Variants in NUAK2 observed in about 807,000 individuals in gnomAD.
The protein encoded by NUAK2 is NUAK family SNF1-like kinase 2.
In NUAK2, 20 loss-of-function variants were observed where a neutral mutation model predicts 29.8. That is an observed-to-expected ratio of 0.67 (90% confidence interval 0.47 to 0.98). The LOEUF (loss-of-function observed/expected upper bound fraction) is 0.98. Ranked by LOEUF, NUAK2 falls within the 50% of genes least tolerant of loss-of-function variation. The pLI, the probability that NUAK2 is intolerant of heterozygous loss-of-function variation, is 0.00. For synonymous variants in NUAK2, 331 were observed against 342.6 expected (o/e 0.97, Z 0.37); for missense variants, 719 against 834.5 (o/e 0.86, Z 1.71).
intron 2 of NUAK2, among the ~76,000 whole-genome samples, chr1:205,310,751 C>T (rs1662246265): frequency 6.6e-6 from 1 of 152,150 alleles, no homozygotes; most frequent in Non-Finnish European, 1.5e-5. Flanking sequence ...TGTTGTCTCC[C>T]CACTCTTCCC....
chr1:205,314,899 C>A (rs1015684090), intron 1 of NUAK2, among the ~76,000 whole-genome samples: 1 of 151,894 alleles, frequency 6.6e-6, no homozygotes, highest in African/African-American at 2.4e-5. Context: ...AAATGAGGTT[C>A]CAAAAAAGGG....
rs1438853627 is a variant in NUAK2 at position 205,321,740 on chromosome 1, G to C, written c.-112C>G. On this transcript the variant is annotated 5_prime_UTR_variant, in exon 1 of 7. Transcript: ENST00000367157. ...GACGGGGAGCCACAGCAGTACCAGA[G>C]CGCGCAGTAAAGCACAGCATTCCAA... The C allele has an allele frequency of 1.2e-6, 1 of 845,764 alleles. No homozygotes were observed. The highest frequency in any genetic ancestry group is 1.6e-5 in the South Asian group (1 of 61,290). The allele number at this position is 845,764 out of a possible 1,614,324, so 52.4% of individuals were successfully genotyped here. A position where few individuals can be genotyped will look rare whatever the true frequency, so the allele number is the denominator to read the frequency against.
chr1:205,320,135 T>C (rs762834131), intron 1 of NUAK2, among the ~76,000 whole-genome samples: 4 of 152,232 alleles, frequency 2.6e-5, no homozygotes, highest in African/African-American at 4.8e-5. Flanking sequence ...GATCCTTACG[T>C]ACTTTAAACT....
chr1:205,310,013 T>C (rs904150536), intron 2 of NUAK2, among the ~76,000 whole-genome samples: 7 of 152,246 alleles, frequency 4.6e-5, no homozygotes, highest in Non-Finnish European at 1.0e-4. Flanking sequence ...AGAACATGTA[T>C]GTCCCTGACA....
intron 1 of NUAK2, among the ~76,000 whole-genome samples, chr1:205,314,175 A>G (rs547579288): frequency 1.3e-5 from 2 of 152,162 alleles, no homozygotes; most frequent in African/African-American, 4.8e-5. Context: ...TGGCCCGGTC[A>G]CCCCGGCAAC....
At chr1:205,319,664 G>A (rs1178253959) in intron 1 of NUAK2, among the ~76,000 whole-genome samples, 3 of 152,164 alleles carry the variant, frequency 2.0e-5, no homozygotes, top group Non-Finnish European at 4.4e-5. Context: ...ACACTTTGCA[G>A]AAAGAGAAAG....
intron 1 of NUAK2, among the ~76,000 whole-genome samples, chr1:205,314,135 A>C (rs1259405049): frequency 6.6e-6 from 1 of 152,202 alleles, no homozygotes; most frequent in Non-Finnish European, 1.5e-5. Context: ...AACAGCCCTA[A>C]TCCCGTAAGA....
In NUAK2 at chr1:205,308,407, C is replaced by T. The variant is rs112455519; in HGVS notation, c.504+174G>A. Among the ~76,000 whole-genome samples the T allele has an allele frequency of 5.3e-5, 8 of 151,944 alleles. No homozygotes were observed. In the South Asian group the frequency reaches 6.2e-4, roughly 12 times the overall value. On this transcript the variant is annotated intron_variant, in intron 3 of 6. Coordinates refer to ENST00000367157, the MANE Select transcript of NUAK2 (RefSeq NM_030952.3). This position sits in a 1 kb window ranked among gnomAD's most constrained non-coding sequence, Gnocchi z 4.1. ...AAGAAATCACGGGCCCTTCTATCCG[C>T]GGAGAAGGGACTCAAAGTCAGAGAC...
At position 205,303,492 on chromosome 1, in the gene NUAK2, C is replaced by G. The variant is rs370514883; in HGVS notation, c.1845G>C (p.Ala615=). 1.0e-5 allele frequency: 16 copies of G among 1,607,110 alleles called. No individual in the cohort carries two copies. In the African/African-American group the frequency reaches 1.7e-4, roughly 17 times the overall value. Residue 615 remains alanine (A), a synonymous_variant, in exon 7 of 7, where the codon GCG becomes GCC. Transcript: ENST00000367157. ...AGACCCTCAGTGCCTGTCGGTAGGT[C>G]GCTGTCACCTCCTGGCAGTCTGTCA... ...FSLTDCQEVT[A]TYRQALRVCS... is the part of the protein sequence containing the mutation.
At position 205,304,633 on chromosome 1, in the gene NUAK2, T is replaced by C. The variant is rs1175691990; in HGVS notation, c.824-120A>G. ...ACTGCATACTCCTGGGTCGGATGCG[T>C]CCCTTCCAACCTAGGGCTCTATACA... On this transcript the variant is annotated intron_variant, in intron 6 of 6. Coordinates refer to ENST00000367157, the MANE Select transcript of NUAK2 (RefSeq NM_030952.3). This position sits in a 1 kb window ranked among gnomAD's most constrained non-coding sequence, Gnocchi z 6.5. The C allele has an allele frequency of 1.8e-5, 16 of 877,640 alleles. No homozygotes were observed. The East Asian group carries it at 3.8e-4, about 21-fold the overall frequency. 54.4% of individuals were successfully genotyped at this position (877,640 alleles called of 1,614,324 possible). A position where few individuals can be genotyped will look rare whatever the true frequency, so the allele number is the denominator to read the frequency against.
chr1:205,315,393 C>G (rs911240842), intron 1 of NUAK2, among the ~76,000 whole-genome samples: 2 of 152,170 alleles, frequency 1.3e-5, no homozygotes, highest in African/African-American at 4.8e-5. Flanking sequence ...GAACATAAAT[C>G]GCAAATATTT....
chr1:205,305,049 A>G, intron 6 of NUAK2, 150 bp downstream of exon 6: 2 of 926,978 alleles, frequency 2.2e-6, no homozygotes, highest in Non-Finnish European at 1.6e-6. Context: ...AGGTCTCAAC[A>G]TTGGACATAC....
At chr1:205,318,400 T>A (rs1162876123) in intron 1 of NUAK2, among the ~76,000 whole-genome samples, 1 of 152,212 alleles carries the variant, frequency 6.6e-6, no homozygotes, top group Non-Finnish European at 1.5e-5. Flanking sequence ...CAGTACTTGG[T>A]CATCCAGGAG....
In NUAK2 at chr1:205,303,539, A is replaced by G; in HGVS notation, c.1798T>C (p.Leu600=). 6.2e-7 allele frequency: 1 copy of G among 1,613,514 alleles called. No individual in the cohort carries two copies. The highest frequency in any genetic ancestry group is 8.5e-7 in the Non-Finnish European group (1 of 1,179,896). The stretch of plus-strand genomic sequence containing the variant: ...GTCAGGGAAAAGCAGCTGTCCCCCA[A>G]AGGATCCTGCCGCCAGCGCCTCAGG... ...SCLRRWRQDP[L]GDSCFSLTDC... is the part of the protein sequence containing the mutation. The change falls in exon 7 of 7, where the codon TTG becomes CTG. Residue 600 remains leucine (L), a synonymous_variant. Transcript: ENST00000367157.
intron 2 of NUAK2, among the ~76,000 whole-genome samples, chr1:205,310,849 C>A (rs1662247081): frequency 8.4e-6 from 1 of 119,236 alleles, no homozygotes; most frequent in Non-Finnish European, 2.0e-5. Context: ...AGGGCTATGT[C>A]TTAAGGCTCT....
chr1:205,316,313 C>G (rs1336034038), intron 1 of NUAK2, among the ~76,000 whole-genome samples: 2 of 152,166 alleles, frequency 1.3e-5, no homozygotes, highest in Non-Finnish European at 2.9e-5. Context: ...TGGCACTGTG[C>G]TAGGTGTTAG....
In NUAK2 at chr1:205,304,946, AAAG is replaced by A. The variant is rs1662158308; in HGVS notation, c.823+250_823+252del. 6.6e-6 allele frequency among the ~76,000 whole-genome samples: 1 copy of A among 152,248 alleles called. No homozygotes were observed. Among genetic ancestry groups the A allele is most frequent in the African/African-American group, 2.4e-5 (1 of 41,464 alleles). ...CAATAGGAAATGAGACAACTGTAGC[AAAG>A]AAGATCTAAGTGAGACCTTAGGAAC... On this transcript the variant is annotated intron_variant, in intron 6 of 6. Coordinates refer to ENST00000367157, the MANE Select transcript of NUAK2 (RefSeq NM_030952.3). This position sits in a 1 kb window ranked among gnomAD's most constrained non-coding sequence, Gnocchi z 6.5.
At position 205,308,276 on chromosome 1, in the gene NUAK2, A is replaced by G. The variant is rs550128403; in HGVS notation, c.505-46T>C. On this transcript the variant is annotated intron_variant, in intron 3 of 6. Coordinates refer to ENST00000367157, the MANE Select transcript of NUAK2 (RefSeq NM_030952.3). This position sits in a 1 kb window ranked among gnomAD's most constrained non-coding sequence, Gnocchi z 4.1. Reference sequence around the variant, plus strand: ...TCACGGGAAGGTCACCAGGGAAGGGAAGATGATGAGGGGCCCAGTCTGGAG... The same window carrying G: ...TCACGGGAAGGTCACCAGGGAAGGGGAGATGATGAGGGGCCCAGTCTGGAG... The G allele has an allele frequency of 2.1e-6, 3 of 1,436,958 alleles. No homozygotes were observed. In the East Asian group the frequency reaches 6.9e-5, roughly 33 times the overall value. 89.0% of individuals were successfully genotyped at this position (1,436,958 alleles called of 1,614,324 possible). A position where few individuals can be genotyped will look rare whatever the true frequency, so the allele number is the denominator to read the frequency against.
intron 2 of NUAK2, among the ~76,000 whole-genome samples, chr1:205,310,675 C>T (rs1019184998): frequency 2.0e-5 from 3 of 152,126 alleles, no homozygotes; most frequent in African/African-American, 7.2e-5. Flanking sequence ...TTCATATACA[C>T]ACACACACAT....
Sources: gnomAD v4.1 joint callset for allele counts (sites outside exome capture counted in the v4.1 genomes callset) on GRCh38, gnomAD v4.1.1 for gene constraint, Gnocchi (gnomAD v3.1) non-coding constraint, MANE v1.5 for transcripts, NCBI Gene and HGNC (gene_info 2026-07-23, HGNC 2026-07-21) for gene names.